Variants in SPTBN1 observed in about 807,000 individuals in gnomAD.
SPTBN1 encodes the protein spectrin beta chain, non-erythrocytic 1.
Under a neutral mutation model 266.4 loss-of-function variants are expected in SPTBN1, and 32 were observed. The observed-to-expected ratio is 0.12, with a 90% CI of 0.09 to 0.16. The LOEUF (loss-of-function observed/expected upper bound fraction) is 0.16, where lower values mean the gene tolerates loss of function less well. Among genes scored for constraint, SPTBN1 ranks in the 10% least tolerant of loss-of-function variants. The pLI is 1.00. For missense variants in SPTBN1, 2,296 were observed against 3,067.1 expected (o/e 0.75, Z 5.94); for synonymous variants, 1,336 against 1,162.2 (o/e 1.15, Z -3.04).
At chr2:54,468,576 A>C (rs1693761574) in intron 1 of SPTBN1, among the ~76,000 whole-genome samples, 1 of 152,242 alleles carries the variant, frequency 6.6e-6, no homozygotes, top group South Asian at 2.1e-4. Flanking sequence ...ACTGGTCTAT[A>C]GTTAAAGCTG....
At chr2:54,561,654 G>C (rs1001373679) in intron 2 of SPTBN1, among the ~76,000 whole-genome samples, 20 of 142,976 alleles carry the variant, frequency 1.4e-4, no homozygotes, top group Non-Finnish European at 2.5e-4. Flanking sequence ...AGATAAAATG[G>C]TTTATAGCGA....
chr2:54,491,603 CT>C (rs968059010), intron 1 of SPTBN1, among the ~76,000 whole-genome samples: 24 of 148,538 alleles, frequency 1.6e-4, no homozygotes, highest in African/African-American at 1.5e-4. Flanking sequence ...ATTTCTCTCT[CT>C]TTTTTTTTTG....
Position 54,558,376 on chromosome 2 carries a change from C to G in SPTBN1, c.148+31810C>G. 3.0e-6 allele frequency: 3 copies of G among 1,001,864 alleles called. No homozygotes were observed. The highest frequency in any genetic ancestry group is 1.0e-3 in the Middle Eastern group (2 of 1,996). The allele number at this position is 1,001,864 out of a possible 1,614,324, so 62.1% of individuals were successfully genotyped here. ...GATAAAATTACAAACCGGCGGCCGC[C>G]GCGGGCAGCTGGGAGGAGGTGTGCG... On this transcript the variant is annotated intron_variant, in intron 2 of 35. Transcript: ENST00000356805. The surrounding 1 kb of genome is among the most constrained non-coding windows in gnomAD (Gnocchi z 4.6).
At chr2:54,484,506 TCTC>T (rs1384171011) in intron 1 of SPTBN1, among the ~76,000 whole-genome samples, 1 of 152,148 alleles carries the variant, frequency 6.6e-6, no homozygotes, top group Non-Finnish European at 1.5e-5. Flanking sequence ...AATGTTAACT[TCTC>T]CTAAGAACAG....
At chr2:54,613,588 A>G (rs761115402) in intron 4 of SPTBN1, among the ~76,000 whole-genome samples, 10 of 152,196 alleles carry the variant, frequency 6.6e-5, no homozygotes, top group Non-Finnish European at 1.2e-4. Context: ...AACCCTTTTA[A>G]TAATTCAGGT....
At chr2:54,598,934 C>G (rs1676287261) in intron 2 of SPTBN1, among the ~76,000 whole-genome samples, 158 bp from the exon 3 acceptor site, 1 of 152,204 alleles carries the variant, frequency 6.6e-6, no homozygotes, top group Non-Finnish European at 1.5e-5. Flanking sequence ...TGTTCTTTCT[C>G]AAAGACATGA....
intron 1 of SPTBN1, among the ~76,000 whole-genome samples, chr2:54,476,324 G>A (rs1445344241): frequency 6.6e-6 from 1 of 152,120 alleles, no homozygotes; most frequent in Non-Finnish European, 1.5e-5. Flanking sequence ...AAGAGACTGG[G>A]TATGTGTGAT....
chr2:54,480,850 G>A, intron 1 of SPTBN1, among the ~76,000 whole-genome samples: 1 of 152,190 alleles, frequency 6.6e-6, no homozygotes, highest in East Asian at 1.9e-4. Context: ...TTGCAGGGGA[G>A]TCCATTAGTT....
intron 1 of SPTBN1, among the ~76,000 whole-genome samples, chr2:54,463,183 T>C (rs1693455829): frequency 7.1e-6 from 1 of 141,632 alleles, no homozygotes; most frequent in Non-Finnish European, 1.5e-5. Flanking sequence ...CCCAATCCTA[T>C]GCGAAGCTAT....
Position 54,522,658 on chromosome 2 carries a change from A to AAGAGAG in SPTBN1, c.-47-3699_-47-3694dup, listed in dbSNP as rs147689465. On this transcript the variant is annotated intron_variant, in intron 1 of 35. Coordinates refer to ENST00000356805, the MANE Select transcript of SPTBN1 (RefSeq NM_003128.3). ...AAAGAAAGAAAGAAAGAGAGAGAGA[A>AAGAGAG]AGAGAGAGAGAGAGAGAGAGGAGAG... Among the ~76,000 whole-genome samples, 49 of 81,842 alleles carry AAGAGAG rather than the reference A, an allele frequency of 6.0e-4. 1 individual carries two copies. Among genetic ancestry groups the AAGAGAG allele is most frequent in the Middle Eastern group, 5.1e-3 (1 of 196 alleles). The allele number at this position is 81,842 out of a possible 152,430, so 53.7% of individuals were successfully genotyped here.
At chr2:54,500,870 C>T (rs1311656540) in intron 1 of SPTBN1, among the ~76,000 whole-genome samples, 1 of 152,180 alleles carries the variant, frequency 6.6e-6, no homozygotes, top group African/African-American at 2.4e-5. Context: ...GATGCTCACT[C>T]ATACCTGAGC....
chr2:54,503,244 A>G (rs2104136576), intron 1 of SPTBN1, among the ~76,000 whole-genome samples: 1 of 152,330 alleles, frequency 6.6e-6, no homozygotes, highest in South Asian at 2.1e-4. Flanking sequence ...TGGAGATATG[A>G]ACACAATTCT....
chr2:54,530,106 G>A (rs551054448), intron 2 of SPTBN1, among the ~76,000 whole-genome samples: 6 of 152,018 alleles, frequency 3.9e-5, no homozygotes, highest in Non-Finnish European at 7.4e-5. Context: ...TAGGGCTTTC[G>A]GTAGATACAA....
intron 18 of SPTBN1, among the ~76,000 whole-genome samples, chr2:54,639,012 A>G (rs1363757022): frequency 1.3e-5 from 2 of 152,230 alleles, no homozygotes; most frequent in African/African-American, 4.8e-5. Flanking sequence ...CCCCTAAACT[A>G]TGAAGCTTAG....
At chr2:54,460,684 T>C (rs1348683874) in intron 1 of SPTBN1, among the ~76,000 whole-genome samples, 9 of 152,214 alleles carry the variant, frequency 5.9e-5, no homozygotes, top group Non-Finnish European at 1.2e-4. Flanking sequence ...TACAAAATAA[T>C]GTTCCTAAAA....
chr2:54,505,275 C>G (rs535646715), intron 1 of SPTBN1, among the ~76,000 whole-genome samples: 2 of 152,124 alleles, frequency 1.3e-5, no homozygotes, highest in African/African-American at 4.8e-5. Context: ...GCATGCATCC[C>G]GGCTTCCCAC....
At chr2:54,487,646 A>T (rs752205088) in intron 1 of SPTBN1, among the ~76,000 whole-genome samples, 20 of 151,514 alleles carry the variant, frequency 1.3e-4, no homozygotes, top group Non-Finnish European at 2.2e-4. Flanking sequence ...TACCCACTAA[A>T]CTAGAGTACC....
rs117686515 is a variant in SPTBN1, at chr2:54,498,259, C to G, written c.-47-28113C>G. On this transcript the variant is annotated intron_variant, in intron 1 of 35. Coordinates refer to ENST00000356805, the MANE Select transcript of SPTBN1 (RefSeq NM_003128.3). ...AGTGCATTCACAAGACGGGAATGTT[C>G]GGTAGACTTGCTGCCGGCCATGTGT... Among the ~76,000 whole-genome samples, 147 of 152,234 alleles carry G rather than the reference C, an allele frequency of 9.7e-4. 3 individuals carry two copies. In the East Asian group the frequency reaches 0.024, roughly 25 times the overall value.
chr2:54,562,990 A>T (rs920541399), intron 2 of SPTBN1, among the ~76,000 whole-genome samples: 1 of 152,126 alleles, frequency 6.6e-6, no homozygotes, highest in African/African-American at 2.4e-5. Flanking sequence ...AGCTTTCTAT[A>T]TGGAATTTTG....
Sources: allele counts gnomAD v4.1 joint callset (sites outside exome capture counted in the v4.1 genomes callset), GRCh38; gene constraint gnomAD v4.1.1; non-coding constraint Gnocchi (gnomAD v3.1); transcripts MANE v1.5; gene names NCBI Gene and HGNC (gene_info 2026-07-23, HGNC 2026-07-21).